Variants in WDPCP observed in about 807,000 individuals in gnomAD.
WDPCP encodes WD repeat-containing and planar cell polarity effector protein fritz homolog.
WDPCP carries 71 observed loss-of-function variants against 93.1 expected under a neutral mutation model. The ratio of observed to expected loss-of-function variants is 0.76; its 90% CI spans 0.63 to 0.93. The LOEUF is 0.93. WDPCP is among the 40% of genes least tolerant of loss of function. WDPCP has a pLI of 0.00. For missense variants in WDPCP, 844 were observed against 887.4 expected (o/e 0.95, Z 0.62); for synonymous variants, 315 against 315.0 (o/e 1.00, Z 0.00).
intron 2 of WDPCP, among the ~76,000 whole-genome samples, chr2:63,665,194 C>T (rs762263786): frequency 1.3e-5 from 2 of 152,156 alleles, no homozygotes; most frequent in Non-Finnish European, 2.9e-5. Context: ...AACAGAAATG[C>T]GTTGTCTCAT....
Position 63,704,740 on chromosome 2 carries a change from G to T in WDPCP, n.309-53902C>A, listed in dbSNP as rs186224517. 5.0e-4 allele frequency among the ~76,000 whole-genome samples: 76 copies of T among 152,290 alleles called. No homozygotes were observed. The East Asian group carries it at 0.014, about 29-fold the overall frequency. ...GATTTTTGCATCGATGTTCATCAAGGATATTGGTCTAAAATGCTCTTTTTT... is the reference window on the plus strand; with the variant it reads ...GATTTTTGCATCGATGTTCATCAAGTATATTGGTCTAAAATGCTCTTTTTT... On this transcript the variant is annotated intron_variant and non_coding_transcript_variant, in intron 2 of 4. Coordinates refer to the WDPCP transcript ENST00000467687.
At chr2:63,197,758 A>C (rs1414816791) in intron 14 of WDPCP, among the ~76,000 whole-genome samples, 4 of 152,186 alleles carry the variant, frequency 2.6e-5, no homozygotes, top group African/African-American at 4.8e-5. Context: ...GTTTCACTTA[A>C]TATAATGGCC....
intron 1 of WDPCP, among the ~76,000 whole-genome samples, chr2:63,511,390 A>T (rs1702223504): frequency 6.6e-6 from 1 of 152,192 alleles, no homozygotes; most frequent in African/African-American, 2.4e-5. Context: ...GAATTAGAAA[A>T]CTACTACTTT....
intron 14 of WDPCP, among the ~76,000 whole-genome samples, chr2:63,201,422 T>C (rs917187669): frequency 6.6e-6 from 1 of 152,230 alleles, no homozygotes; most frequent in Admixed American, 6.5e-5. Context: ...GGTCATGATA[T>C]AGTATTTTAA....
At chr2:63,543,200 T>C (rs149557564) in intron 1 of WDPCP, among the ~76,000 whole-genome samples, 249 of 152,224 alleles carry the variant, frequency 1.6e-3, no homozygotes, top group Non-Finnish European at 3.0e-3. Context: ...CAAAAATCAG[T>C]TTTGTATGAC....
At chr2:63,219,375 G>C (rs1677624854) in intron 14 of WDPCP, among the ~76,000 whole-genome samples, 1 of 152,098 alleles carries the variant, frequency 6.6e-6, no homozygotes, top group South Asian at 2.1e-4. Flanking sequence ...ATGCTTTGTT[G>C]CACAGGCATG....
intron 6 of WDPCP, among the ~76,000 whole-genome samples, chr2:63,471,478 C>T (rs1254273270): frequency 1.3e-5 from 2 of 152,210 alleles, no homozygotes; most frequent in Non-Finnish European, 2.9e-5. Context: ...TATATTGCTA[C>T]TCTGAACATC....
intron 17 of WDPCP, among the ~76,000 whole-genome samples, chr2:63,131,517 T>C (rs1428426338): frequency 6.6e-6 from 1 of 152,210 alleles, no homozygotes. Context: ...TTATATATTG[T>C]GTACTTATTA....
In WDPCP at chr2:63,161,732, G is replaced by A. The variant is rs149146549; in HGVS notation, c.2079-8158C>T. Among the ~76,000 whole-genome samples the A allele has an allele frequency of 8.2e-4, 124 of 150,980 alleles. 3 individuals are homozygous for A. The East Asian group carries it at 0.022, about 27-fold the overall frequency. ...TTTTACTTGTATTAATAAAATATAT[G>A]TTGTAATTTCAACTGTTCATAAATT... On this transcript the variant is annotated intron_variant, in intron 15 of 17. Coordinates refer to ENST00000272321, the MANE Select transcript of WDPCP (RefSeq NM_015910.7).
intron 10 of WDPCP, among the ~76,000 whole-genome samples, chr2:63,402,314 T>TG (rs1056729541): frequency 6.6e-6 from 1 of 151,884 alleles, no homozygotes; most frequent in South Asian, 2.1e-4. Flanking sequence ...AAGGGCCTGT[T>TG]GGGGGTGGGG....
intron 2 of WDPCP, among the ~76,000 whole-genome samples, chr2:63,490,486 G>T (rs1700814475): frequency 1.3e-5 from 2 of 152,132 alleles, no homozygotes; most frequent in African/African-American, 4.8e-5. Context: ...CACATTAACA[G>T]GGTTACTAAT....
At chr2:63,589,270 GA>G, upstream of WDPCP, 1 of 1,551,406 alleles carries the variant, frequency 6.4e-7, no homozygotes, top group Non-Finnish European at 8.7e-7. Context: ...GGACTCTGGA[GA>G]AGTAGTTGTC....
chr2:63,795,571 A>AAGAC (rs983915569), intron 2 of WDPCP, among the ~76,000 whole-genome samples: 18 of 151,972 alleles, frequency 1.2e-4, no homozygotes, highest in Admixed American at 5.2e-4. Context: ...GAAAGAAAGA[A>AAGAC]AGACAGACAG....
chr2:63,751,859 A>T, intron 2 of WDPCP: 1 of 678,058 alleles, frequency 1.5e-6, no homozygotes, highest in Non-Finnish European at 2.8e-6. Context: ...TAATTGCCAA[A>T]AGCATTGTAG....
chr2:63,300,506 T>C (rs1392613442), intron 13 of WDPCP, among the ~76,000 whole-genome samples: 5 of 152,170 alleles, frequency 3.3e-5, no homozygotes, highest in Non-Finnish European at 5.9e-5. Context: ...TCCCACCTGG[T>C]ATTATTCAAA....
chr2:63,264,878 C>G (rs1025623114), intron 13 of WDPCP, among the ~76,000 whole-genome samples: 7 of 152,114 alleles, frequency 4.6e-5, no homozygotes, highest in Non-Finnish European at 1.0e-4. Flanking sequence ...TATTTTCTGA[C>G]CACGATGGCA....
At chr2:63,672,698 T>C (rs1710360071) in intron 2 of WDPCP, among the ~76,000 whole-genome samples, 1 of 151,012 alleles carries the variant, frequency 6.6e-6, no homozygotes, top group East Asian at 1.9e-4. Flanking sequence ...AGCATTATCC[T>C]GGCTCACTGA....
At chr2:63,347,947 A>G (rs1517409) in intron 12 of WDPCP, among the ~76,000 whole-genome samples, 121,823 of 152,030 alleles carry the variant, frequency 0.8, 49,683 homozygotes, top group East Asian at 0.96. Flanking sequence ...TTACTTTTAT[A>G]GGGTATTTTC....
intron 1 of WDPCP, among the ~76,000 whole-genome samples, chr2:63,550,133 A>C (rs543125224): frequency 4.7e-4 from 72 of 151,702 alleles, no homozygotes; most frequent in African/African-American, 1.7e-3. Flanking sequence ...TCTCATGCGT[A>C]GATTCTTTAT....
Sources: gnomAD v4.1 joint callset for allele counts (sites outside exome capture counted in the v4.1 genomes callset) on GRCh38, gnomAD v4.1.1 for gene constraint, MANE v1.5 for transcripts, NCBI Gene and HGNC (gene_info 2026-07-23, HGNC 2026-07-21) for gene names.